Variants in WWOX observed in about 807,000 individuals in gnomAD.
The protein encoded by WWOX is WW domain containing oxidoreductase, also known as WW domain-containing oxidoreductase.
Under a neutral mutation model 46.2 loss-of-function variants are expected in WWOX, and 69 were observed. That is an observed-to-expected ratio of 1.49 (90% CI 1.23 to 1.82). WWOX has a LOEUF of 1.82. WWOX is among the 40% of genes most tolerant of loss of function. The pLI is 0.00. For missense variants in WWOX, 919 were observed against 542.6 expected (o/e 1.69, Z -6.89); for synonymous variants, 359 against 202.6 (o/e 1.77, Z -6.56).
chr16:78,531,332 G>A (rs543074323), intron 8 of WWOX, among the ~76,000 whole-genome samples: 5 of 152,256 alleles, frequency 3.3e-5, no homozygotes, highest in African/African-American at 1.2e-4. Flanking sequence ...TCCTTAGGAT[G>A]AGAAAGAAGG....
At chr16:78,137,159 G>A (rs766837925) in intron 4 of WWOX, among the ~76,000 whole-genome samples, 8 of 152,224 alleles carry the variant, frequency 5.3e-5, no homozygotes, top group Non-Finnish European at 1.2e-4. Flanking sequence ...ATCTGAAATG[G>A]AGAAGATGCC....
chr16:78,342,040 T>A (rs34730452), intron 5 of WWOX, among the ~76,000 whole-genome samples: 2 of 120,348 alleles, frequency 1.7e-5, no homozygotes, highest in Admixed American at 1.6e-4. Flanking sequence ...GGCTTGAGCC[T>A]GGGAGATCAA....
intron 8 of WWOX, among the ~76,000 whole-genome samples, chr16:78,833,628 C>A (rs1356873303): frequency 6.6e-6 from 1 of 152,208 alleles, no homozygotes; most frequent in Non-Finnish European, 1.5e-5. Flanking sequence ...ATGTTCCTTT[C>A]TCTTGTGCAT....
chr16:78,620,188 A>G (rs2046142381), intron 8 of WWOX, among the ~76,000 whole-genome samples: 1 of 152,226 alleles, frequency 6.6e-6, no homozygotes, highest in Non-Finnish European at 1.5e-5. Flanking sequence ...GGTTTCTGAA[A>G]TGAGAAATCT....
intron 8 of WWOX, chr16:79,205,997 T>A (rs1198181987): frequency 6.6e-6 from 1 of 152,158 alleles, no homozygotes; most frequent in Admixed American, 6.6e-5. Context: ...CACCTGGAGA[T>A]GGCATTTTGA....
intron 6 of WWOX, among the ~76,000 whole-genome samples, chr16:78,402,294 A>T (rs998811484): frequency 6.6e-6 from 1 of 152,130 alleles, no homozygotes; most frequent in Non-Finnish European, 1.5e-5. Context: ...CATTTATGTT[A>T]TTGCAAAAAT....
chr16:78,865,441 C>T (rs12448371), intron 8 of WWOX, among the ~76,000 whole-genome samples: 109,251 of 152,110 alleles, frequency 0.72, 39,854 homozygotes, highest in Middle Eastern at 0.84. Flanking sequence ...ATCATGGCTC[C>T]TTCTCTTCCT....
At chr16:78,248,182 T>TGCTA (rs1335678666) in intron 5 of WWOX, among the ~76,000 whole-genome samples, 3 of 152,150 alleles carry the variant, frequency 2.0e-5, no homozygotes, top group African/African-American at 7.2e-5. Context: ...GGAAGCATGA[T>TGCTA]GCTAGCATCT....
intron 8 of WWOX, among the ~76,000 whole-genome samples, chr16:79,207,155 C>T (rs903824067): frequency 6.6e-6 from 1 of 152,220 alleles, no homozygotes; most frequent in Non-Finnish European, 1.5e-5. Context: ...ACCCCCTCAT[C>T]TCCACCGCAG....
At chr16:78,958,263 T>A (rs1197390873) in intron 8 of WWOX, among the ~76,000 whole-genome samples, 1 of 152,210 alleles carries the variant, frequency 6.6e-6, no homozygotes, top group Non-Finnish European at 1.5e-5. Flanking sequence ...GTCCTTTTAA[T>A]GTCATCTTTA....
intron 8 of WWOX, among the ~76,000 whole-genome samples, chr16:78,662,623 T>C (rs2047242669): frequency 6.6e-6 from 1 of 152,156 alleles, no homozygotes; most frequent in Non-Finnish European, 1.5e-5. Flanking sequence ...TACTATTTTT[T>C]AAAAAACATA....
At chr16:78,661,485 T>C (rs192748765) in intron 8 of WWOX, among the ~76,000 whole-genome samples, 56 of 152,296 alleles carry the variant, frequency 3.7e-4, no homozygotes, top group African/African-American at 1.2e-3. Context: ...TGAACAGTTA[T>C]TTGTCTGGAT....
At chr16:78,222,432 A>G (rs577825049) in intron 5 of WWOX, among the ~76,000 whole-genome samples, 2 of 152,196 alleles carry the variant, frequency 1.3e-5, no homozygotes, top group East Asian at 1.9e-4. Flanking sequence ...ATGTCCTGTA[A>G]TGAGTGTGCC....
intron 8 of WWOX, among the ~76,000 whole-genome samples, chr16:78,941,580 A>G (rs895436798): frequency 3.3e-5 from 5 of 151,998 alleles, no homozygotes; most frequent in Admixed American, 2.0e-4. Context: ...TTCAAATGGC[A>G]TTATCTTCCC....
intron 8 of WWOX, among the ~76,000 whole-genome samples, chr16:79,013,542 C>T (rs892070414): frequency 6.6e-6 from 1 of 152,214 alleles, no homozygotes; most frequent in African/African-American, 2.4e-5. Context: ...ACAGCAAAAG[C>T]ACACACAATG....
intron 8 of WWOX, among the ~76,000 whole-genome samples, chr16:79,189,435 G>C (rs1454194201): frequency 8.6e-6 from 1 of 115,666 alleles, no homozygotes; most frequent in Admixed American, 7.9e-5. Flanking sequence ...GTGTGTGTGT[G>C]TGTGTGTGTG....
intron 8 of WWOX, among the ~76,000 whole-genome samples, chr16:78,956,343 C>T (rs1247753269): frequency 6.6e-6 from 1 of 151,860 alleles, no homozygotes; most frequent in African/African-American, 2.4e-5. Context: ...TTAGTGAAGG[C>T]GGAGTTTCAC....
Position 78,616,766 on chromosome 16 carries a change from C to G in WWOX, c.1056+184014C>G, listed in dbSNP as rs142351280. Among the ~76,000 whole-genome samples the G allele has an allele frequency of 3.0e-3, 461 of 151,896 alleles. 3 individuals are homozygous for G. The highest frequency in any genetic ancestry group is 0.011 in the African/African-American group (438 of 41,432). On this transcript the variant is annotated intron_variant, in intron 8 of 8. Transcript: ENST00000566780. ...GGGAGACAGAGGGAGGAGACTCCAT[C>G]AACACTAATAATAATAAAGTAAATA...
At chr16:78,478,726 C>A (rs528425445) in intron 8 of WWOX, among the ~76,000 whole-genome samples, 3 of 152,284 alleles carry the variant, frequency 2.0e-5, no homozygotes, top group Admixed American at 2.0e-4. Flanking sequence ...TTCCTGTGGT[C>A]CTTATGAATA....
Sources: allele counts gnomAD v4.1 joint callset (sites outside exome capture counted in the v4.1 genomes callset), GRCh38; gene constraint gnomAD v4.1.1; transcripts MANE v1.5; gene names NCBI Gene and HGNC (gene_info 2026-07-23, HGNC 2026-07-21).